Variants in IMMP2L observed in about 807,000 individuals in gnomAD.
IMMP2L encodes mitochondrial inner membrane protease subunit 2.
Under a neutral mutation model 19.3 loss-of-function variants are expected in IMMP2L, and 18 were observed. That is an observed-to-expected ratio of 0.93 (90% CI 0.64 to 1.38). The LOEUF (loss-of-function observed/expected upper bound fraction) is 1.38, where lower values mean the gene tolerates loss of function less well. Ranked by LOEUF, IMMP2L falls within the 40% of genes most tolerant of loss-of-function variation. The pLI is 0.00. For missense variants in IMMP2L, 233 were observed against 218.2 expected (o/e 1.07, Z -0.43); for synonymous variants, 76 against 73.0 (o/e 1.04, Z -0.21).
chr7:111,458,022 G>A (rs1839821087), intron 3 of IMMP2L, among the ~76,000 whole-genome samples: 2 of 151,620 alleles, frequency 1.3e-5, no homozygotes, highest in Non-Finnish European at 2.9e-5. Flanking sequence ...AATAATTTCT[G>A]CTTACTCTAT....
At chr7:111,117,023 ACT>A (rs1799959014) in intron 3 of IMMP2L, among the ~76,000 whole-genome samples, 1 of 152,082 alleles carries the variant, frequency 6.6e-6, no homozygotes, top group Admixed American at 6.5e-5. Context: ...GATTAAAGTA[ACT>A]CTCTAGTTTG....
At chr7:111,086,268 A>AG (rs1271214665) in intron 3 of IMMP2L, among the ~76,000 whole-genome samples, 1 of 143,742 alleles carries the variant, frequency 7.0e-6, no homozygotes, top group Non-Finnish European at 1.5e-5. Context: ...AAAAAAAAGA[A>AG]AAAAAAAAAA....
intron 5 of IMMP2L, among the ~76,000 whole-genome samples, chr7:110,859,840 T>G (rs1402154744): frequency 2.0e-5 from 3 of 152,094 alleles, no homozygotes; most frequent in African/African-American, 7.2e-5. Context: ...AAAGTGTAGT[T>G]TTTTTAGTTC....
chr7:111,374,974 T>C (rs985732621), intron 3 of IMMP2L, among the ~76,000 whole-genome samples: 3 of 152,102 alleles, frequency 2.0e-5, no homozygotes, highest in African/African-American at 7.2e-5. Context: ...TCAAGAAGAC[T>C]TGAATATTTT....
intron 5 of IMMP2L, among the ~76,000 whole-genome samples, chr7:110,755,694 C>T (rs887593288): frequency 7.2e-5 from 11 of 151,950 alleles, no homozygotes; most frequent in Admixed American, 4.6e-4. Flanking sequence ...AAAGGTGTAG[C>T]GGAACTGAGG....
At chr7:111,095,861 T>G (rs1797345184) in intron 3 of IMMP2L, among the ~76,000 whole-genome samples, 1 of 151,956 alleles carries the variant, frequency 6.6e-6, no homozygotes, top group Non-Finnish European at 1.5e-5. Context: ...AAACAATAAA[T>G]ATATTATCAG....
intron 2 of IMMP2L, among the ~76,000 whole-genome samples, chr7:111,498,575 T>C (rs1218491558): frequency 1.3e-5 from 2 of 151,700 alleles, no homozygotes; most frequent in South Asian, 2.1e-4. Flanking sequence ...AAGGAAGTGA[T>C]TCAACAAATA....
chr7:111,533,654 G>T (rs1402864729), intron 1 of IMMP2L, among the ~76,000 whole-genome samples: 1 of 152,028 alleles, frequency 6.6e-6, no homozygotes, highest in Non-Finnish European at 1.5e-5. Context: ...AATTTGGAAG[G>T]AGAATAAAAT....
intron 3 of IMMP2L, among the ~76,000 whole-genome samples, chr7:111,405,769 T>C (rs2131457452): frequency 6.6e-6 from 1 of 152,264 alleles, no homozygotes; most frequent in South Asian, 2.1e-4. Context: ...CTCTATTCAC[T>C]GTCTAGGTCA....
intron 3 of IMMP2L, among the ~76,000 whole-genome samples, chr7:111,116,463 C>T (rs1799890167): frequency 6.6e-6 from 1 of 152,070 alleles, no homozygotes; most frequent in African/African-American, 2.4e-5. Context: ...TATGGGTATA[C>T]ATGACATACA....
At chr7:111,476,019 C>A (rs1841690764) in intron 3 of IMMP2L, among the ~76,000 whole-genome samples, 1 of 152,032 alleles carries the variant, frequency 6.6e-6, no homozygotes, top group Admixed American at 6.6e-5. Flanking sequence ...GGGATTAATT[C>A]TTATGTTGAA....
intron 3 of IMMP2L, among the ~76,000 whole-genome samples, chr7:111,416,283 G>C (rs911472242): frequency 6.6e-6 from 1 of 151,806 alleles, no homozygotes; most frequent in Non-Finnish European, 1.5e-5. Context: ...AATAAAATAT[G>C]CAGTCTTTCA....
At chr7:110,773,525 T>A (rs966883395) in intron 5 of IMMP2L, among the ~76,000 whole-genome samples, 4 of 152,150 alleles carry the variant, frequency 2.6e-5, no homozygotes, top group African/African-American at 9.6e-5. Context: ...AGATTAAATT[T>A]AGAACTCTGG....
chr7:111,336,755 G>C (rs745929031), intron 3 of IMMP2L, among the ~76,000 whole-genome samples: 3 of 151,186 alleles, frequency 2.0e-5, no homozygotes, highest in Non-Finnish European at 4.4e-5. Flanking sequence ...GTATTGATCA[G>C]ATCTTTCTGC....
At chr7:111,203,699 T>C (rs1028984404) in intron 3 of IMMP2L, among the ~76,000 whole-genome samples, 3 of 151,774 alleles carry the variant, frequency 2.0e-5, no homozygotes, top group Admixed American at 6.6e-5. Flanking sequence ...GCCTTCACCT[T>C]GTCCATTTTC....
chr7:110,666,371 G>T (rs10241987), intron 5 of IMMP2L, among the ~76,000 whole-genome samples: 4,955 of 152,006 alleles, frequency 0.033, 172 homozygotes, highest in African/African-American at 0.083. Flanking sequence ...ACCTCCTGGG[G>T]TCACGCCATT....
At chr7:111,413,757 CT>C (rs1834683867) in intron 3 of IMMP2L, among the ~76,000 whole-genome samples, 2 of 131,382 alleles carry the variant, frequency 1.5e-5, no homozygotes, top group African/African-American at 6.2e-5. Context: ...CCCTGTCCTG[CT>C]TTGTGATGTG....
intron 3 of IMMP2L, among the ~76,000 whole-genome samples, chr7:111,148,664 G>T (rs1261496802): frequency 6.6e-6 from 1 of 151,902 alleles, no homozygotes; most frequent in African/African-American, 2.4e-5. Context: ...ACACTTCACA[G>T]ATTTATTTGC....
chr7:110,938,997 G>A (rs568331097), intron 4 of IMMP2L, among the ~76,000 whole-genome samples: 8 of 152,146 alleles, frequency 5.3e-5, no homozygotes, highest in Admixed American at 3.9e-4. Flanking sequence ...CAAATGACAG[G>A]CAGACTCTAT....
Sources: allele counts gnomAD v4.1 joint callset (sites outside exome capture counted in the v4.1 genomes callset), GRCh38; gene constraint gnomAD v4.1.1; transcripts MANE v1.5; gene names NCBI Gene and HGNC (gene_info 2026-07-23, HGNC 2026-07-21).